ABCC11: variants seen among roughly 807,000 people sequenced by gnomAD.
ABCC11 encodes ATP-binding cassette sub-family C member 11.
In ABCC11, 135 loss-of-function variants were observed where a neutral mutation model predicts 149.3. That is an observed-to-expected ratio of 0.90 (90% CI 0.79 to 1.04). The LOEUF (loss-of-function observed/expected upper bound fraction) is 1.04. Among genes scored for constraint, ABCC11 ranks in the 50% least tolerant of loss-of-function variants. The probability of loss-of-function intolerance (pLI) is 0.00; values close to 1 mark genes in which losing one functional copy is unlikely to be tolerated. For synonymous variants in ABCC11, 665 were observed against 671.4 expected (o/e 0.99, Z 0.15); for missense variants, 1,680 against 1,722.1 (o/e 0.98, Z 0.43).
chr16:48,196,301 GT>G lies in ABCC11; in HGVS notation c.2334del (p.Gln779ArgfsTer10). On this transcript the variant is annotated frameshift_variant, in exon 18 of 30. Coordinates refer to ENST00000356608, the MANE Select transcript of ABCC11 (RefSeq NM_001370497.1). LOFTEE classifies it high-confidence loss of function. ...GAGCCTTCTTCCATCTCCTCCTCCT[GT>G]GTGAGCTGATGCTCCGGCACTGGGT... ...NGNAVPEHQLTQEEEMEEGSL... is the reference protein window; with the variant it reads ...NGNAVPEHQLXQEEEMEEGSL... The G allele has an allele frequency of 6.2e-7, 1 of 1,614,078 alleles. No individual in the cohort carries two copies. The highest frequency in any genetic ancestry group is 1.1e-5 in the South Asian group (1 of 91,064).
At chr16:48,245,254 T>C (rs1971300247) in intron 1 of ABCC11, among the ~76,000 whole-genome samples, 1 of 152,190 alleles carries the variant, frequency 6.6e-6, no homozygotes. Context: ...TCTGGAACTT[T>C]CCTAGCTTCT....
At chr16:48,192,149 TA>T (rs766638534) in intron 20 of ABCC11, among the ~76,000 whole-genome samples, 385 of 146,548 alleles carry the variant, frequency 2.6e-3, no homozygotes, top group African/African-American at 8.4e-3. Flanking sequence ...GGTCTACTAA[TA>T]AAAAAAAAAT....
chr16:48,228,103 A>G (rs1050959202), intron 3 of ABCC11, 139 bp from the exon 4 acceptor site: 1 of 853,826 alleles, frequency 1.2e-6, no homozygotes. Context: ...TGTAAGTTGA[A>G]AATCATAAAC....
chr16:48,231,719 G>T, intron 2 of ABCC11, 104 bp downstream of exon 2: 1 of 1,460,142 alleles, frequency 6.8e-7, no homozygotes, highest in Non-Finnish European at 9.1e-7. Flanking sequence ...AAAAATTCAA[G>T]GGTAAATAAG....
At position 48,171,790 on chromosome 16, in the gene ABCC11, C is replaced by T. The variant is rs1217838051; in HGVS notation, c.3699-823G>A. 3.9e-5 allele frequency among the ~76,000 whole-genome samples: 6 copies of T among 152,048 alleles called. No individual in the cohort carries two copies. The South Asian group carries it at 6.2e-4, about 16-fold the overall frequency. ...ACCAGCCTGGCCAACATGGTAAAACCCCACTCCACTAAAAATACAAAAATT... is the reference window on the plus strand; with the variant it reads ...ACCAGCCTGGCCAACATGGTAAAACTCCACTCCACTAAAAATACAAAAATT... On this transcript the variant is annotated intron_variant, in intron 26 of 29. Coordinates refer to ENST00000356608, the MANE Select transcript of ABCC11 (RefSeq NM_001370497.1).
At chr16:48,237,510 C>T (rs1008115106) in intron 1 of ABCC11, among the ~76,000 whole-genome samples, 4 of 152,366 alleles carry the variant, frequency 2.6e-5, no homozygotes, top group Non-Finnish European at 4.4e-5. Flanking sequence ...ACTGCAACCA[C>T]CTCCTGACTG....
chr16:48,230,148 A>T (rs1970335355), intron 3 of ABCC11, among the ~76,000 whole-genome samples: 1 of 152,114 alleles, frequency 6.6e-6, no homozygotes, highest in Non-Finnish European at 1.5e-5. Flanking sequence ...TTTCTCTCCC[A>T]TGTGAGGTCC....
At chr16:48,169,992 T>C in intron 28 of ABCC11, 113 bp downstream of exon 28, 1 of 702,864 alleles carries the variant, frequency 1.4e-6, no homozygotes, top group Non-Finnish European at 2.5e-6. Flanking sequence ...TGTTAAGACG[T>C]ACACCACAGA....
At chr16:48,184,691 G>A (rs984401953) in intron 22 of ABCC11, 65 bp from the exon 23 acceptor site, 5 of 1,508,672 alleles carry the variant, frequency 3.3e-6, no homozygotes, top group Non-Finnish European at 3.6e-6. Flanking sequence ...CCGGGTCAGG[G>A]TAGATACCGG....
intron 3 of ABCC11, among the ~76,000 whole-genome samples, chr16:48,230,136 T>C (rs80052109): frequency 6.6e-6 from 1 of 152,240 alleles, no homozygotes; most frequent in South Asian, 2.1e-4. Flanking sequence ...TTGCTTATTG[T>C]CTTTCTCTCC....
rs758907177 is a variant in ABCC11, at chr16:48,215,195, AC to A, written c.1099+1del. The A allele has an allele frequency of 1.2e-6, 2 of 1,606,498 alleles. No individual in the cohort carries two copies. Among genetic ancestry groups the A allele is most frequent in the Non-Finnish European group, 1.7e-6 (2 of 1,173,650 alleles). ...TGGAGCAGAAAGTCAGACTTTCCAT[AC>A]CTTCAATGATTTTTGCAAATGGTTT... On this transcript the variant is annotated splice_donor_variant, in intron 8 of 29. Coordinates refer to ENST00000356608, the MANE Select transcript of ABCC11 (RefSeq NM_001370497.1). LOFTEE classifies it high-confidence loss of function.
intron 1 of ABCC11, chr16:48,244,331 C>CG: frequency 7.7e-7 from 1 of 1,301,026 alleles, no homozygotes; most frequent in Non-Finnish European, 1.0e-6. Context: ...CGGGGCAGGC[C>CG]GGGGGCAGCT....
chr16:48,198,852 C>T (rs1402219719), intron 15 of ABCC11, among the ~76,000 whole-genome samples: 8 of 152,030 alleles, frequency 5.3e-5, no homozygotes, highest in Admixed American at 3.3e-4. Flanking sequence ...GCCTGGCCAA[C>T]ACGGTGAAAC....
At chr16:48,181,193 A>T (rs1038122494) in intron 23 of ABCC11, among the ~76,000 whole-genome samples, 1 of 152,284 alleles carries the variant, frequency 6.6e-6, no homozygotes, top group South Asian at 2.1e-4. Flanking sequence ...CCCCTAAGAC[A>T]CTGGTGTGGT....
chr16:48,186,860 G>C (rs1386358328), intron 22 of ABCC11, 93 bp downstream of exon 22: 2 of 1,477,576 alleles, frequency 1.4e-6, no homozygotes, highest in African/African-American at 2.8e-5. Context: ...TGATGCTTTT[G>C]AAGATGATGC....
At chr16:48,246,593 C>T (rs1455315102) in intron 1 of ABCC11, among the ~76,000 whole-genome samples, 1 of 152,104 alleles carries the variant, frequency 6.6e-6, no homozygotes, top group Non-Finnish European at 1.5e-5. Flanking sequence ...TTTTTTGAGA[C>T]AGAGTCTCAT....
intron 23 of ABCC11, among the ~76,000 whole-genome samples, chr16:48,183,049 T>C (rs1350441259): frequency 6.6e-6 from 1 of 152,244 alleles, no homozygotes; most frequent in Non-Finnish European, 1.5e-5. Context: ...TGTTCCTGTC[T>C]TACAAATAGA....
intron 5 of ABCC11, 100 bp from the exon 6 acceptor site, chr16:48,222,931 G>C (rs1179855056): frequency 9.6e-7 from 1 of 1,037,554 alleles, no homozygotes; most frequent in African/African-American, 1.6e-5. Context: ...TTCATGCTGG[G>C]GGTTTGTTGA....
At chr16:48,183,904 A>G (rs961678111) in intron 23 of ABCC11, among the ~76,000 whole-genome samples, 7 of 152,220 alleles carry the variant, frequency 4.6e-5, no homozygotes, top group African/African-American at 1.7e-4. Flanking sequence ...TAAGGTCCAG[A>G]AGTCTGTTTC....
Sources: gnomAD v4.1 joint callset for allele counts (sites outside exome capture counted in the v4.1 genomes callset) on GRCh38, gnomAD v4.1.1 for gene constraint, MANE v1.5 for transcripts, NCBI Gene and HGNC (gene_info 2026-07-23, HGNC 2026-07-21) for gene names.